The following ELOVL6 variants were observed in gnomAD, a reference collection of about 807,000 sequenced individuals.
The protein encoded by ELOVL6 is ELOVL fatty acid elongase 6.
ELOVL6 carries 8 observed loss-of-function variants against 31.7 expected under a neutral mutation model. The ratio of observed to expected loss-of-function variants is 0.25; its 90% confidence interval spans 0.15 to 0.45. The LOEUF is 0.45. Among genes scored for constraint, ELOVL6 ranks in the 20% least tolerant of loss-of-function variants. The pLI is 1.00. For synonymous variants in ELOVL6, 101 were observed against 117.7 expected (o/e 0.86, Z 0.92); for missense variants, 126 against 326.4 (o/e 0.39, Z 4.73).
chr4:110,118,412 A>G (rs1757250314), intron 1 of ELOVL6, among the ~76,000 whole-genome samples: 1 of 152,128 alleles, frequency 6.6e-6, no homozygotes, highest in Non-Finnish European at 1.5e-5. Flanking sequence ...CATGATAACC[A>G]ATATTAACTT....
At chr4:110,113,662 C>A (rs1046293241) in intron 1 of ELOVL6, among the ~76,000 whole-genome samples, 11 of 152,156 alleles carry the variant, frequency 7.2e-5, no homozygotes, top group African/African-American at 2.7e-4. Flanking sequence ...TAAAAATGAT[C>A]TCTATGATGA....
intron 2 of ELOVL6, among the ~76,000 whole-genome samples, chr4:110,076,284 A>G (rs1377658523): frequency 6.6e-6 from 1 of 152,248 alleles, no homozygotes; most frequent in East Asian, 1.9e-4. Context: ...ACAAAATTAT[A>G]TGAAGCATGA....
intron 1 of ELOVL6, among the ~76,000 whole-genome samples, chr4:110,178,522 C>T (rs1227844792): frequency 6.6e-6 from 1 of 151,350 alleles, no homozygotes; most frequent in East Asian, 1.9e-4. Context: ...CACTGCACGC[C>T]AGCCTGAGTG....
At chr4:110,133,548 G>A (rs1005132542) in intron 1 of ELOVL6, among the ~76,000 whole-genome samples, 5 of 152,114 alleles carry the variant, frequency 3.3e-5, no homozygotes, top group South Asian at 2.1e-4. Flanking sequence ...TTGCGGAGGC[G>A]GGGTTGTCAC....
intron 1 of ELOVL6, among the ~76,000 whole-genome samples, chr4:110,163,864 G>A (rs1758697181): frequency 1.3e-5 from 2 of 152,208 alleles, no homozygotes; most frequent in South Asian, 4.1e-4. Context: ...CGAATGGTGA[G>A]TTAAGGTCAA....
chr4:110,125,353 A>G (rs1240276370), intron 1 of ELOVL6, among the ~76,000 whole-genome samples: 1 of 152,158 alleles, frequency 6.6e-6, no homozygotes, highest in Non-Finnish European at 1.5e-5. Context: ...CTTTTTTAAA[A>G]AGTCTTTCTA....
At chr4:110,094,936 G>A (rs1756536903) in intron 2 of ELOVL6, among the ~76,000 whole-genome samples, 1 of 152,170 alleles carries the variant, frequency 6.6e-6, no homozygotes, top group African/African-American at 2.4e-5. Flanking sequence ...TGCACTTGGT[G>A]TTCCAAGGAC....
At chr4:110,156,659 C>G (rs1425741446) in intron 1 of ELOVL6, among the ~76,000 whole-genome samples, 1 of 152,082 alleles carries the variant, frequency 6.6e-6, no homozygotes, top group Non-Finnish European at 1.5e-5. Context: ...GCACTCCAGC[C>G]TGGGCAACAG....
At chr4:110,162,245 AT>A (rs1188194865) in intron 1 of ELOVL6, among the ~76,000 whole-genome samples, 2 of 152,096 alleles carry the variant, frequency 1.3e-5, no homozygotes, top group Non-Finnish European at 2.9e-5. Context: ...GACAACCAAA[AT>A]TTTTTCTTAA....
chr4:110,092,553 G>A (rs957855911), intron 2 of ELOVL6, among the ~76,000 whole-genome samples: 3 of 152,024 alleles, frequency 2.0e-5, no homozygotes, highest in African/African-American at 7.3e-5. Context: ...TACTCATCTC[G>A]CAATGTTTCA....
At chr4:110,113,040 C>T (rs376861176) in intron 1 of ELOVL6, among the ~76,000 whole-genome samples, 96 of 151,558 alleles carry the variant, frequency 6.3e-4, no homozygotes, top group Non-Finnish European at 9.9e-4. Context: ...CTGGCTAACA[C>T]GGTGAAACCC....
At chr4:110,131,702 TAAC>T (rs1329388733) in intron 1 of ELOVL6, among the ~76,000 whole-genome samples, 1 of 152,124 alleles carries the variant, frequency 6.6e-6, no homozygotes, top group Non-Finnish European at 1.5e-5. Context: ...GTATGAATAT[TAAC>T]AACAACCAAA....
At chr4:110,114,649 C>T (rs1757126059) in intron 1 of ELOVL6, among the ~76,000 whole-genome samples, 1 of 152,188 alleles carries the variant, frequency 6.6e-6, no homozygotes, top group South Asian at 2.1e-4. Flanking sequence ...ACAGGCTACA[C>T]TTAGAGTTGA....
intron 2 of ELOVL6, among the ~76,000 whole-genome samples, chr4:110,076,555 A>G (rs189229304): frequency 2.6e-5 from 4 of 152,342 alleles, no homozygotes; most frequent in Admixed American, 2.0e-4. Flanking sequence ...ATAAAAATAT[A>G]TACCCTCTAG....
chr4:110,142,102 G>A (rs113430558), intron 1 of ELOVL6, among the ~76,000 whole-genome samples: 7,695 of 117,974 alleles, frequency 0.065, 505 homozygotes, highest in African/African-American at 0.16. Flanking sequence ...ACGGAGTCTC[G>A]CTGTGTCACC....
chr4:110,126,713 T>G (rs1262188185), intron 1 of ELOVL6, among the ~76,000 whole-genome samples: 2 of 152,234 alleles, frequency 1.3e-5, no homozygotes, highest in African/African-American at 4.8e-5. Flanking sequence ...ACAGATTTCC[T>G]CCTCCCAGAC....
intron 1 of ELOVL6, among the ~76,000 whole-genome samples, chr4:110,126,137 A>G (rs1326679451): frequency 1.3e-5 from 2 of 151,922 alleles, no homozygotes; most frequent in Non-Finnish European, 1.5e-5. Flanking sequence ...TCTACATCCC[A>G]GGCTCAAACA....
Position 110,051,586 on chromosome 4 carries a change from G to A in ELOVL6, c.550C>T (p.Arg184Trp), listed in dbSNP as rs1157208740. The change falls in exon 4 of 4, where the codon CGG becomes TGG. Residue 184 changes from arginine (R) to tryptophan (W), a missense_variant. Around this residue, in one of 3 missense-constraint regions of ELOVL6, gnomAD observed 57 missense variants for 110.2 expected, o/e 0.52. Coordinates refer to ENST00000302274, the MANE Select transcript of ELOVL6 (RefSeq NM_024090.3). This position sits in a 1 kb window ranked among gnomAD's most constrained non-coding sequence, Gnocchi z 4.8. ...HAVMYSYYAL[R>W]AAGFRVSRKF... ...CGGGAGACTCGGAAACCTGCCGCCC[G>A]CAAGGCATAGTAAGAGTACATCACG... 1.9e-6 allele frequency: 3 copies of A among 1,614,034 alleles called. No individual in the cohort carries two copies. The highest frequency in any genetic ancestry group is 1.3e-5 in the African/African-American group (1 of 74,940).
At chr4:110,084,048 G>A (rs1232223988) in intron 2 of ELOVL6, among the ~76,000 whole-genome samples, 4 of 40,356 alleles carry the variant, frequency 9.9e-5, no homozygotes, top group Non-Finnish European at 2.1e-4. Context: ...TATAACACAT[G>A]CTATATATGA....
Sources: allele counts gnomAD v4.1 joint callset (sites outside exome capture counted in the v4.1 genomes callset), GRCh38; gene constraint gnomAD v4.1.1; regional missense constraint gnomAD v4.1.1; non-coding constraint Gnocchi (gnomAD v3.1); transcripts MANE v1.5; gene names NCBI Gene and HGNC (gene_info 2026-07-23, HGNC 2026-07-21).